The following PPP4R1 variants were observed in gnomAD, a reference collection of about 807,000 sequenced individuals.
PPP4R1 encodes the protein protein phosphatase 4 regulatory subunit 1.
Under a neutral mutation model 111.2 loss-of-function variants are expected in PPP4R1, and 42 were observed. The observed-to-expected ratio is 0.38, with a 90% CI of 0.29 to 0.49. The LOEUF (loss-of-function observed/expected upper bound fraction) is 0.49. Among genes scored for constraint, PPP4R1 ranks in the 20% least tolerant of loss-of-function variants. PPP4R1 has a pLI of 0.97. For missense variants in PPP4R1, 1,012 were observed against 1,161.6 expected (o/e 0.87, Z 1.87); for synonymous variants, 409 against 405.5 (o/e 1.01, Z -0.10).
chr18:9,562,413 G>A (rs181908710), intron 12 of PPP4R1, among the ~76,000 whole-genome samples: 2 of 152,236 alleles, frequency 1.3e-5, no homozygotes, highest in East Asian at 3.9e-4. Flanking sequence ...AGAGACCATG[G>A]AGTGTCATAT....
chr18:9,556,038 G>C (rs1218807605), intron 15 of PPP4R1, among the ~76,000 whole-genome samples: 2 of 151,078 alleles, frequency 1.3e-5, no homozygotes, highest in Admixed American at 1.3e-4. Context: ...GCACGCACCT[G>C]TAGTCCCAGC....
chr18:9,558,512 G>A (rs1204982102), intron 14 of PPP4R1, among the ~76,000 whole-genome samples: 1 of 152,132 alleles, frequency 6.6e-6, no homozygotes, highest in Non-Finnish European at 1.5e-5. Context: ...TCCTGGTTAA[G>A]GATAAATTCA....
intron 13 of PPP4R1, 105 bp from the exon 14 acceptor site, chr18:9,559,709 T>C (rs747550294): frequency 2.4e-6 from 2 of 834,218 alleles, no homozygotes; most frequent in African/African-American, 3.5e-5. Flanking sequence ...GATTTTAACA[T>C]AGCATCTCAA....
At chr18:9,571,094 C>T (rs1389416597) in intron 10 of PPP4R1, among the ~76,000 whole-genome samples, 1 of 152,054 alleles carries the variant, frequency 6.6e-6, no homozygotes, top group Non-Finnish European at 1.5e-5. Context: ...CTCTCTACTC[C>T]AACGACATAT....
chr18:9,560,357 T>A (rs2066653121), intron 13 of PPP4R1, among the ~76,000 whole-genome samples: 1 of 152,192 alleles, frequency 6.6e-6, no homozygotes, highest in Non-Finnish European at 1.5e-5. Flanking sequence ...TGCACATGTC[T>A]AATTATTAGT....
At chr18:9,549,899 A>G in intron 18 of PPP4R1, 153 bp downstream of exon 18, 4 of 1,172,860 alleles carry the variant, frequency 3.4e-6, no homozygotes, top group Non-Finnish European at 4.7e-6. Context: ...CAGATGCCCA[A>G]CAATGGGGGC....
intron 2 of PPP4R1, among the ~76,000 whole-genome samples, chr18:9,602,073 G>A (rs1468579998): frequency 6.6e-6 from 1 of 152,058 alleles, no homozygotes; most frequent in Non-Finnish European, 1.5e-5. Flanking sequence ...TTGTATAGAC[G>A]TGAGATTATG....
intron 2 of PPP4R1, among the ~76,000 whole-genome samples, chr18:9,612,949 C>T (rs796963497): frequency 8.5e-5 from 13 of 152,280 alleles, no homozygotes; most frequent in African/African-American, 3.1e-4. Flanking sequence ...GTAAATCCCC[C>T]TTACTTTACT....
chr18:9,571,208 CAAAA>C (rs2066856923), intron 10 of PPP4R1, among the ~76,000 whole-genome samples: 1 of 152,156 alleles, frequency 6.6e-6, no homozygotes, highest in South Asian at 2.1e-4. Flanking sequence ...TGCTATCTCA[CAAAA>C]TATATTAAAA....
chr18:9,562,882 A>G (rs1387781445), intron 12 of PPP4R1: 2 of 986,158 alleles, frequency 2.0e-6, no homozygotes, highest in Non-Finnish European at 2.4e-6. Context: ...GAGAACAGCT[A>G]CAAGTACACA....
intron 2 of PPP4R1, among the ~76,000 whole-genome samples, chr18:9,608,880 T>C (rs1211246245): frequency 6.6e-6 from 1 of 152,152 alleles, no homozygotes; most frequent in Non-Finnish European, 1.5e-5. Context: ...ATCAAACAAA[T>C]GTGGCAGCAG....
intron 2 of PPP4R1, among the ~76,000 whole-genome samples, chr18:9,599,918 T>C (rs2067352228): frequency 6.6e-6 from 1 of 152,168 alleles, no homozygotes; most frequent in African/African-American, 2.4e-5. Context: ...TTGTGGCACT[T>C]ACCTAAAATG....
In PPP4R1 at chr18:9,594,017, T is replaced by A. The variant is rs1213652000; in HGVS notation, c.189-143A>T. The A allele has an allele frequency of 6.2e-6, 4 of 641,798 alleles. No homozygotes were observed. In the African/African-American group the frequency reaches 7.3e-5, roughly 12 times the overall value. 39.8% of individuals were successfully genotyped at this position (641,798 alleles called of 1,614,324 possible). A position where few individuals can be genotyped will look rare whatever the true frequency, so the allele number is the denominator to read the frequency against. ...ATCACGGCTAACTGCAGCATTGACT[T>A]CCCTGGCTCAGGTAATCCTCCCACC... On this transcript the variant is annotated intron_variant, in intron 3 of 19. Transcript: ENST00000400556.
Position 9,614,257 on chromosome 18 carries a change from A to C in PPP4R1, c.21T>G (p.Leu7=), listed in dbSNP as rs2067643935. 1 of 1,350,520 alleles carries C rather than the reference A, an allele frequency of 7.4e-7. No individual in the cohort carries two copies. The highest frequency in any genetic ancestry group is 1.5e-5 in the African/African-American group (1 of 64,770). 83.7% of individuals were successfully genotyped at this position (1,350,520 alleles called of 1,614,324 possible). A position where few individuals can be genotyped will look rare whatever the true frequency, so the allele number is the denominator to read the frequency against. The change falls in exon 2 of 20, where the codon CTT becomes CTG. Residue 7 remains leucine, a synonymous_variant. Transcript: ENST00000400556. The surrounding 1 kb of genome is among the most constrained non-coding windows in gnomAD (Gnocchi z 4.1). MADLSL[L]QEDLQEDADG... ...CTGCGTCCTCCTGCAGGTCCTCCTG[A>C]AGCAGCGAGAGGTCTGCGCCGAGGG...
intron 13 of PPP4R1, among the ~76,000 whole-genome samples, chr18:9,561,604 C>T (rs886967825): frequency 1.3e-5 from 2 of 152,074 alleles, no homozygotes; most frequent in Non-Finnish European, 2.9e-5. Context: ...TCTCTGAAAT[C>T]GAGCTGTATT....
intron 2 of PPP4R1, among the ~76,000 whole-genome samples, chr18:9,604,601 CT>C (rs1489430710): frequency 6.6e-6 from 1 of 152,086 alleles, no homozygotes. Flanking sequence ...TTAAATTTAC[CT>C]ATTACTAACA....
chr18:9,592,731 C>A, intron 4 of PPP4R1, among the ~76,000 whole-genome samples: 1 of 151,196 alleles, frequency 6.6e-6, no homozygotes, highest in African/African-American at 2.4e-5. Context: ...CAAATCTATC[C>A]TTAAAGAGTA....
intron 12 of PPP4R1, among the ~76,000 whole-genome samples, chr18:9,562,336 G>A (rs927562941): frequency 6.6e-6 from 1 of 152,132 alleles, no homozygotes; most frequent in Non-Finnish European, 1.5e-5. Context: ...TTTTGAAATG[G>A]TCCAAACAGC....
intron 13 of PPP4R1, 82 bp downstream of exon 13, chr18:9,561,898 A>T (rs2066683608): frequency 1.8e-6 from 2 of 1,118,976 alleles, no homozygotes; most frequent in Non-Finnish European, 2.7e-6. Context: ...ATCATAAAGA[A>T]GGGGCAAATT....
Sources: gnomAD v4.1 joint callset for allele counts (sites outside exome capture counted in the v4.1 genomes callset) on GRCh38, gnomAD v4.1.1 for gene constraint, Gnocchi (gnomAD v3.1) non-coding constraint, MANE v1.5 for transcripts, NCBI Gene and HGNC (gene_info 2026-07-23, HGNC 2026-07-21) for gene names.